Variants in MAF observed in about 807,000 individuals in gnomAD.
MAF encodes transcription factor Maf.
Under a neutral mutation model 22.0 loss-of-function variants are expected in MAF, and 10 were observed. That is an observed-to-expected ratio of 0.45 (90% CI 0.28 to 0.77). MAF has a LOEUF of 0.77. MAF is among the 30% of genes least tolerant of loss of function. The probability of loss-of-function intolerance (pLI) is 0.12; values close to 1 mark genes in which losing one functional copy is unlikely to be tolerated. For missense variants in MAF, 544 were observed against 548.4 expected (o/e 0.99, Z 0.08); for synonymous variants, 337 against 255.8 (o/e 1.32, Z -3.03).
At chr16:79,384,689 G>A in the MAF span, among the ~76,000 whole-genome samples, 15 of 150,590 alleles carry the variant, frequency 1.0e-4, no homozygotes, top group South Asian at 2.1e-4. Flanking sequence ...CCCGGGAGGC[G>A]GAGGTTGCAG....
At chr16:79,312,069 T>C in the MAF span, among the ~76,000 whole-genome samples, 1 of 152,164 alleles carries the variant, frequency 6.6e-6, no homozygotes, top group African/African-American at 2.4e-5. Context: ...TTTCTTCTCT[T>C]CTCTGCCTCC....
At chr16:79,562,158 A>G in the MAF span, among the ~76,000 whole-genome samples, 35 of 152,244 alleles carry the variant, frequency 2.3e-4, 1 homozygote, top group East Asian at 6.6e-3. Flanking sequence ...TAAATATTCA[A>G]CTTAAAACAT....
At chr16:79,261,747 C>G in the MAF span, among the ~76,000 whole-genome samples, 1 of 152,134 alleles carries the variant, frequency 6.6e-6, no homozygotes, top group Non-Finnish European at 1.5e-5. Context: ...GAAGTTCCTG[C>G]AGCAGATGGG....
the MAF span, among the ~76,000 whole-genome samples, chr16:79,222,230 C>A: frequency 6.6e-6 from 1 of 152,118 alleles, no homozygotes; most frequent in Non-Finnish European, 1.5e-5. Flanking sequence ...TCATATCCAG[C>A]CAAACTGAGT....
chr16:79,524,684 A>G, the MAF span, among the ~76,000 whole-genome samples: 1 of 152,240 alleles, frequency 6.6e-6, no homozygotes, highest in African/African-American at 2.4e-5. Context: ...GGAGAAACAC[A>G]TTATTTTTCA....
the MAF span, among the ~76,000 whole-genome samples, chr16:79,234,498 G>T: frequency 5.3e-5 from 8 of 152,140 alleles, no homozygotes; most frequent in Non-Finnish European, 1.0e-4. Context: ...GAACCAACAT[G>T]CTTTAATAAC....
chr16:79,245,698 C>T, the MAF span, among the ~76,000 whole-genome samples: 2 of 152,008 alleles, frequency 1.3e-5, no homozygotes, highest in East Asian at 1.9e-4. Flanking sequence ...CCAGCAGTCT[C>T]ATTACTGGGT....
At chr16:79,356,533 G>A in the MAF span, among the ~76,000 whole-genome samples, 1 of 152,096 alleles carries the variant, frequency 6.6e-6, no homozygotes, top group Admixed American at 6.5e-5. Context: ...CATTTCTGCA[G>A]CCTGGAGCTG....
the MAF span, among the ~76,000 whole-genome samples, chr16:79,215,649 G>C: frequency 6.6e-6 from 1 of 152,118 alleles, no homozygotes; most frequent in Non-Finnish European, 1.5e-5. Flanking sequence ...AACTTTGTAA[G>C]GGTAGCTGAG....
At chr16:79,480,736 G>C in the MAF span, among the ~76,000 whole-genome samples, 5 of 152,152 alleles carry the variant, frequency 3.3e-5, no homozygotes, top group Admixed American at 3.3e-4. Context: ...ATGAACCAAA[G>C]GCTATGTCCC....
At chr16:79,395,563 G>GA in the MAF span, among the ~76,000 whole-genome samples, 2 of 152,134 alleles carry the variant, frequency 1.3e-5, no homozygotes, top group African/African-American at 2.4e-5. Flanking sequence ...AATGCCATAT[G>GA]ACGGGGGGCA....
the MAF span, among the ~76,000 whole-genome samples, chr16:79,385,995 T>C: frequency 6.6e-5 from 10 of 152,222 alleles, no homozygotes; most frequent in African/African-American, 2.2e-4. Context: ...TCTTAGGCTC[T>C]GAGGGTTGGA....
the MAF span, among the ~76,000 whole-genome samples, chr16:79,333,524 C>A: frequency 6.6e-6 from 1 of 152,164 alleles, no homozygotes; most frequent in African/African-American, 2.4e-5. Flanking sequence ...CCCCAGGAGG[C>A]ATTTATGTCA....
the MAF span, among the ~76,000 whole-genome samples, chr16:79,361,978 A>G: frequency 6.6e-6 from 1 of 152,194 alleles, no homozygotes; most frequent in Non-Finnish European, 1.5e-5. Context: ...AAATTCTGCC[A>G]AGACAGAGAT....
the MAF span, among the ~76,000 whole-genome samples, chr16:79,520,475 G>A: frequency 6.6e-6 from 1 of 152,068 alleles, no homozygotes; most frequent in African/African-American, 2.4e-5. Flanking sequence ...CTATCTCTCT[G>A]TGTGTGTGTG....
chr16:79,281,464 T>C, the MAF span, among the ~76,000 whole-genome samples: 5 of 152,104 alleles, frequency 3.3e-5, no homozygotes, highest in Non-Finnish European at 7.4e-5. Flanking sequence ...GTGAGCTGTA[T>C]TCCTGAAAAA....
the MAF span, among the ~76,000 whole-genome samples, chr16:79,539,963 T>C: frequency 6.6e-6 from 1 of 152,162 alleles, no homozygotes; most frequent in African/African-American, 2.4e-5. Flanking sequence ...AGATGATTTC[T>C]GTAACAAAAA....
chr16:79,203,956 C>G, the MAF span: 1 of 152,154 alleles, frequency 6.6e-6, no homozygotes, highest in Non-Finnish European at 1.5e-5. Context: ...TCTTTTATAT[C>G]TTATAAACAC....
the MAF span, among the ~76,000 whole-genome samples, chr16:79,334,150 G>T: frequency 6.6e-6 from 1 of 152,218 alleles, no homozygotes; most frequent in African/African-American, 2.4e-5. Flanking sequence ...ATTCAAGAAC[G>T]TTCATAGCAG....
Sources: gnomAD v4.1 joint callset for allele counts (sites outside exome capture counted in the v4.1 genomes callset) on GRCh38, gnomAD v4.1.1 for gene constraint, MANE v1.5 for transcripts, NCBI Gene and HGNC (gene_info 2026-07-23, HGNC 2026-07-21) for gene names.